The following EDIL3 variants were observed in gnomAD, a reference collection of about 807,000 sequenced individuals.
EDIL3 encodes EGF-like repeat and discoidin I-like domain-containing protein 3.
EDIL3 carries 37 observed loss-of-function variants against 67.4 expected under a neutral mutation model. That is an observed-to-expected ratio of 0.55 (90% CI 0.42 to 0.72). The LOEUF (loss-of-function observed/expected upper bound fraction) is 0.72, where lower values mean the gene tolerates loss of function less well. Ranked by LOEUF, EDIL3 falls within the 30% of genes least tolerant of loss-of-function variation. The pLI, the probability that EDIL3 is intolerant of heterozygous loss-of-function variation, is 0.00. For missense variants in EDIL3, 527 were observed against 586.3 expected (o/e 0.90, Z 1.04); for synonymous variants, 195 against 196.3 (o/e 0.99, Z 0.05).
intron 6 of EDIL3, among the ~76,000 whole-genome samples, chr5:84,093,530 G>A (rs1174668235): frequency 6.6e-6 from 1 of 152,136 alleles, no homozygotes; most frequent in Non-Finnish European, 1.5e-5. Context: ...GATGAACCAT[G>A]CAGTGCATGT....
chr5:84,358,993 C>A (rs368965964), intron 1 of EDIL3, among the ~76,000 whole-genome samples: 7 of 152,174 alleles, frequency 4.6e-5, no homozygotes, highest in East Asian at 1.9e-4. Flanking sequence ...AAGAAAGTAA[C>A]AAGCCTCCCT....
At chr5:84,013,954 T>C (rs1463098162) in intron 9 of EDIL3, among the ~76,000 whole-genome samples, 1 of 152,180 alleles carries the variant, frequency 6.6e-6, no homozygotes, top group African/African-American at 2.4e-5. Context: ...TTTTTTGTTT[T>C]ATTTTTAATG....
chr5:84,288,024 A>T (rs1489201895), intron 1 of EDIL3, among the ~76,000 whole-genome samples: 1 of 152,212 alleles, frequency 6.6e-6, no homozygotes, highest in East Asian at 1.9e-4. Context: ...CCCCAGATTT[A>T]TACTCACGAA....
At chr5:84,110,553 T>C (rs2112287353) in intron 5 of EDIL3, among the ~76,000 whole-genome samples, 1 of 152,346 alleles carries the variant, frequency 6.6e-6, no homozygotes, top group East Asian at 1.9e-4. Flanking sequence ...CAATGTCAGA[T>C]GAGAACTCTG....
At chr5:84,049,121 G>A (rs1746283615) in intron 9 of EDIL3, among the ~76,000 whole-genome samples, 1 of 152,062 alleles carries the variant, frequency 6.6e-6, no homozygotes, top group Admixed American at 6.5e-5. Context: ...TTACTACTGG[G>A]TAAAGAAGCT....
At chr5:84,114,330 A>G (rs1747626907) in intron 5 of EDIL3, among the ~76,000 whole-genome samples, 1 of 152,042 alleles carries the variant, frequency 6.6e-6, no homozygotes. Context: ...GGGCCTGAAT[A>G]TTCCAGTTCA....
At chr5:84,120,465 AT>A (rs1747756085) in intron 5 of EDIL3, among the ~76,000 whole-genome samples, 2 of 152,148 alleles carry the variant, frequency 1.3e-5, no homozygotes, top group South Asian at 4.1e-4. Context: ...TTTAATAAAG[AT>A]TGTTAATATA....
At chr5:84,346,193 T>G (rs552848852) in intron 1 of EDIL3, among the ~76,000 whole-genome samples, 174 of 146,718 alleles carry the variant, frequency 1.2e-3, no homozygotes, top group Non-Finnish European at 2.0e-3. Flanking sequence ...TGGAGTGCAG[T>G]GGTGCAGTGT....
intron 1 of EDIL3, among the ~76,000 whole-genome samples, chr5:84,293,798 AATG>A (rs1745976378): frequency 6.6e-6 from 1 of 151,782 alleles, no homozygotes; most frequent in South Asian, 2.1e-4. Flanking sequence ...TTTTTGACCA[AATG>A]ATGTTATATG....
intron 10 of EDIL3, among the ~76,000 whole-genome samples, chr5:83,949,745 C>T (rs1029937498): frequency 1.3e-5 from 2 of 151,714 alleles, no homozygotes; most frequent in Admixed American, 6.6e-5. Context: ...TCTACAAAAC[C>T]GTGTGTAATA....
intron 1 of EDIL3, among the ~76,000 whole-genome samples, chr5:84,300,937 C>T (rs562112275): frequency 6.6e-6 from 1 of 151,986 alleles, no homozygotes; most frequent in South Asian, 2.1e-4. Flanking sequence ...GACACATACA[C>T]ACACACACAC....
intron 6 of EDIL3, among the ~76,000 whole-genome samples, chr5:84,081,220 T>C (rs1580317681): frequency 6.6e-6 from 1 of 152,152 alleles, no homozygotes; most frequent in East Asian, 1.9e-4. Context: ...ATTGTACTCA[T>C]CTCTCCTCTC....
intron 5 of EDIL3, among the ~76,000 whole-genome samples, chr5:84,136,482 C>A (rs1160505159): frequency 2.0e-5 from 3 of 150,258 alleles, no homozygotes; most frequent in African/African-American, 7.3e-5. Flanking sequence ...CTTTTTTTTT[C>A]TTTTTTAGGT....
intron 1 of EDIL3, among the ~76,000 whole-genome samples, chr5:84,316,993 C>A (rs1314945578): frequency 6.6e-6 from 1 of 152,176 alleles, no homozygotes; most frequent in Admixed American, 6.5e-5. Context: ...AACTGAACAA[C>A]CTGCTCCTGA....
chr5:84,139,275 A>T (rs1040919250), intron 4 of EDIL3, among the ~76,000 whole-genome samples: 3 of 142,354 alleles, frequency 2.1e-5, no homozygotes, highest in African/African-American at 7.7e-5. Context: ...AATATTTGAT[A>T]CTGAACCTGT....
In EDIL3 at chr5:84,008,192, A is replaced by T. The variant is rs10214299; in HGVS notation, c.1138-44832T>A. ...GGTTAATGGGTACAAACATATGGTT[A>T]GAAAGAAGAAATAAGATCTAGTATT... On this transcript the variant is annotated intron_variant, in intron 9 of 10. Transcript: ENST00000296591. Among the ~76,000 whole-genome samples, 94 of 151,872 alleles carry T rather than the reference A, an allele frequency of 6.2e-4. No individual in the cohort carries two copies. In the Middle Eastern group the frequency reaches 0.014, roughly 22 times the overall value.
intron 9 of EDIL3, among the ~76,000 whole-genome samples, chr5:83,994,784 C>T (rs1745209353): frequency 6.6e-6 from 1 of 152,102 alleles, no homozygotes; most frequent in South Asian, 2.1e-4. Flanking sequence ...TTTAAGGAAA[C>T]TTGTTTCCCA....
intron 3 of EDIL3, among the ~76,000 whole-genome samples, chr5:84,206,854 C>T (rs1394836369): frequency 3.9e-5 from 6 of 152,136 alleles, no homozygotes; most frequent in South Asian, 2.1e-4. Flanking sequence ...TAACTCTTCA[C>T]GCTAAAAACT....
intron 4 of EDIL3, among the ~76,000 whole-genome samples, chr5:84,157,520 T>C (rs1265810691): frequency 3.9e-5 from 6 of 152,224 alleles, no homozygotes; most frequent in African/African-American, 1.4e-4. Context: ...TGCCTATGGA[T>C]GTAATGTATA....
Sources: allele counts gnomAD v4.1 joint callset (sites outside exome capture counted in the v4.1 genomes callset), GRCh38; gene constraint gnomAD v4.1.1; transcripts MANE v1.5; gene names NCBI Gene and HGNC (gene_info 2026-07-23, HGNC 2026-07-21).